Variants in CFAP263 observed in about 807,000 individuals in gnomAD.
CFAP263 encodes the protein cilia- and flagella-associated protein 263.
the CFAP263 span, among the ~76,000 whole-genome samples, chr16:58,262,093 C>G: frequency 6.6e-6 from 1 of 151,984 alleles, no homozygotes; most frequent in South Asian, 2.1e-4. Context: ...TGCCCCCACT[C>G]CCCCACATGC....
chr16:58,268,760 C>T, the CFAP263 span, among the ~76,000 whole-genome samples: 58 of 152,170 alleles, frequency 3.8e-4, no homozygotes, highest in African/African-American at 1.4e-3. Flanking sequence ...TGCCATGGTC[C>T]TTATTTATTT....
chr16:58,267,669 A>G, the CFAP263 span: 1 of 816,338 alleles, frequency 1.2e-6, no homozygotes, highest in Non-Finnish European at 2.0e-6. Flanking sequence ...CCAAGATCTA[A>G]GCCACCTTGC....
the CFAP263 span, chr16:58,250,010 G>C: frequency 6.3e-7 from 1 of 1,578,650 alleles, no homozygotes; most frequent in Non-Finnish European, 8.6e-7. Context: ...CGCTTCGGCA[G>C]AGTGATGACT....
At chr16:58,278,396 C>A in the CFAP263 span, 1 of 1,226,732 alleles carries the variant, frequency 8.2e-7, no homozygotes, top group Admixed American at 2.1e-5. Context: ...TCTATTGGAA[C>A]TATGGGGAGA....
At chr16:58,280,829 A>G in the CFAP263 span, 1 of 1,384,918 alleles carries the variant, frequency 7.2e-7, no homozygotes, top group South Asian at 1.4e-5. Context: ...CTTGTGCAAT[A>G]TACTGTTTGT....
At chr16:58,269,378 G>GAAGAAAGA in the CFAP263 span, among the ~76,000 whole-genome samples, 87,219 of 149,168 alleles carry the variant, frequency 0.58, 26,539 homozygotes, top group African/African-American at 0.75. Context: ...TTATTTATAA[G>GAAGAAAGA]AAGAAAGGAA....
chr16:58,260,800 C>T, the CFAP263 span, among the ~76,000 whole-genome samples: 4 of 152,066 alleles, frequency 2.6e-5, no homozygotes, highest in Non-Finnish European at 5.9e-5. Context: ...TTGAGTCACT[C>T]GGGATCCAGA....
chr16:58,280,069 G>T, the CFAP263 span: 2 of 727,576 alleles, frequency 2.7e-6, no homozygotes, highest in Non-Finnish European at 2.3e-6. Flanking sequence ...CTGGGAGAGG[G>T]ATAGAGGAGG....
chr16:58,275,822 T>C, the CFAP263 span, among the ~76,000 whole-genome samples: 4 of 152,206 alleles, frequency 2.6e-5, no homozygotes, highest in Admixed American at 1.3e-4. Context: ...TGCCTTACGC[T>C]GAAATTAATT....
At chr16:58,250,144 C>A in the CFAP263 span, 3 of 1,406,210 alleles carry the variant, frequency 2.1e-6, no homozygotes, top group Non-Finnish European at 2.9e-6. Flanking sequence ...GGGGGCCGCC[C>A]CTCTTCCTCC....
At chr16:58,276,203 C>T in the CFAP263 span, among the ~76,000 whole-genome samples, 1 of 152,216 alleles carries the variant, frequency 6.6e-6, no homozygotes, top group Non-Finnish European at 1.5e-5. Flanking sequence ...CTACCTCACT[C>T]GTAATACAAG....
the CFAP263 span, among the ~76,000 whole-genome samples, chr16:58,266,939 T>TC: frequency 1.3e-5 from 2 of 152,092 alleles, no homozygotes; most frequent in African/African-American, 4.8e-5. Flanking sequence ...AATTCCCGGC[T>TC]CCCCCTGGTC....
the CFAP263 span, chr16:58,262,241 A>T: frequency 2.7e-6 from 2 of 728,182 alleles, no homozygotes; most frequent in Non-Finnish European, 4.6e-6. Flanking sequence ...CATGCCTGGG[A>T]CCAAACAGAT....
At chr16:58,255,398 C>T in the CFAP263 span, among the ~76,000 whole-genome samples, 724 of 152,222 alleles carry the variant, frequency 4.8e-3, 2 homozygotes, top group Non-Finnish European at 7.6e-3. Context: ...ATCTTCCCCC[C>T]GCCCAGTCCA....
At chr16:58,263,792 A>G in the CFAP263 span, among the ~76,000 whole-genome samples, 22 of 152,352 alleles carry the variant, frequency 1.4e-4, no homozygotes, top group Admixed American at 1.4e-3. Context: ...AGCCTGGCCA[A>G]CATGGCAAAA....
At chr16:58,256,986 AG>A in the CFAP263 span, among the ~76,000 whole-genome samples, 1 of 143,154 alleles carries the variant, frequency 7.0e-6, no homozygotes, top group African/African-American at 2.7e-5. Context: ...CCTACAGTTT[AG>A]ATAATTTTCT....
the CFAP263 span, chr16:58,252,675 T>C: frequency 2.6e-6 from 4 of 1,555,074 alleles, no homozygotes; most frequent in African/African-American, 1.4e-5. Context: ...CACTAGTTAT[T>C]TGAGGTTTAA....
At chr16:58,270,491 A>C in the CFAP263 span, among the ~76,000 whole-genome samples, 1 of 152,050 alleles carries the variant, frequency 6.6e-6, no homozygotes, top group Non-Finnish European at 1.5e-5. Flanking sequence ...AAAAAAACTT[A>C]AGGTGACCCA....
chr16:58,276,882 C>T, the CFAP263 span, among the ~76,000 whole-genome samples: 5 of 152,120 alleles, frequency 3.3e-5, no homozygotes, highest in Non-Finnish European at 7.3e-5. Flanking sequence ...GTGAAAACAT[C>T]TGGATGAATA....
Sources: allele counts gnomAD v4.1 joint callset (sites outside exome capture counted in the v4.1 genomes callset), GRCh38; gene constraint gnomAD v4.1.1; transcripts MANE v1.5; gene names NCBI Gene and HGNC (gene_info 2026-07-23, HGNC 2026-07-21).